The following AUTS2 variants were observed in gnomAD, a reference collection of about 807,000 sequenced individuals.
AUTS2 encodes activator of transcription and developmental regulator AUTS2.
Under a neutral mutation model 112.4 loss-of-function variants are expected in AUTS2, and 17 were observed. That is an observed-to-expected ratio of 0.15 (90% CI 0.10 to 0.23). The LOEUF (loss-of-function observed/expected upper bound fraction) is 0.23. Among genes scored for constraint, AUTS2 ranks in the 10% least tolerant of loss-of-function variants. AUTS2 has a pLI of 1.00. For missense variants in AUTS2, 1,510 were observed against 1,701.6 expected (o/e 0.89, Z 1.98); for synonymous variants, 751 against 702.7 (o/e 1.07, Z -1.09).
chr7:69,924,906 A>G (rs1044529454), intron 2 of AUTS2, among the ~76,000 whole-genome samples: 2 of 152,204 alleles, frequency 1.3e-5, no homozygotes, highest in Non-Finnish European at 2.9e-5. Context: ...ATCTGGGCCT[A>G]GAGTTTTCTT....
intron 4 of AUTS2, among the ~76,000 whole-genome samples, chr7:70,306,572 T>A (rs956510840): frequency 6.6e-6 from 1 of 152,210 alleles, no homozygotes; most frequent in East Asian, 1.9e-4. Context: ...ATTAAAGTTA[T>A]CAGAATAGAG....
At chr7:70,339,140 G>A (rs1165844141) in intron 4 of AUTS2, among the ~76,000 whole-genome samples, 1 of 152,104 alleles carries the variant, frequency 6.6e-6, no homozygotes, top group East Asian at 1.9e-4. Context: ...TGGGATTACA[G>A]GGGTGAGCCA....
chr7:70,161,952 G>T (rs1480732117), intron 4 of AUTS2, among the ~76,000 whole-genome samples: 2 of 152,078 alleles, frequency 1.3e-5, no homozygotes, highest in Non-Finnish European at 2.9e-5. Context: ...AATAGTTACT[G>T]GCATACTCCT....
chr7:70,581,635 C>T (rs1163560203), intron 5 of AUTS2, among the ~76,000 whole-genome samples: 2 of 152,184 alleles, frequency 1.3e-5, no homozygotes, highest in South Asian at 2.1e-4. Context: ...TTGTTACCCA[C>T]CACAGTACTC....
intron 4 of AUTS2, among the ~76,000 whole-genome samples, chr7:70,231,328 T>C (rs907604562): frequency 6.6e-6 from 1 of 152,360 alleles, no homozygotes; most frequent in East Asian, 1.9e-4. Flanking sequence ...ATACAGGACA[T>C]GTCCAGCACC....
At chr7:70,346,539 A>G (rs1791503461) in intron 4 of AUTS2, among the ~76,000 whole-genome samples, 1 of 152,116 alleles carries the variant, frequency 6.6e-6, no homozygotes, top group Admixed American at 6.5e-5. Context: ...CCTTCAGTGT[A>G]AATTTCTCTT....
intron 1 of AUTS2, among the ~76,000 whole-genome samples, chr7:69,755,181 G>C (rs562062794): frequency 1.1e-4 from 17 of 152,244 alleles, no homozygotes; most frequent in Admixed American, 5.9e-4. Flanking sequence ...TGGCCTTATC[G>C]AGAACAAGAA....
intron 5 of AUTS2, among the ~76,000 whole-genome samples, chr7:70,475,047 T>C (rs1192748116): frequency 6.6e-6 from 1 of 152,202 alleles, no homozygotes; most frequent in Non-Finnish European, 1.5e-5. Flanking sequence ...CTAAGACATG[T>C]AAGTGGCAGG....
chr7:69,643,409 C>G (rs1429730043), intron 1 of AUTS2: 1 of 153,338 alleles, frequency 6.5e-6, no homozygotes, highest in Non-Finnish European at 1.5e-5. Flanking sequence ...GTCAGCCACA[C>G]CATATTTCAG....
At chr7:70,173,683 T>C (rs1275069250) in intron 4 of AUTS2, among the ~76,000 whole-genome samples, 3 of 152,240 alleles carry the variant, frequency 2.0e-5, no homozygotes, top group Non-Finnish European at 2.9e-5. Context: ...CAGCATATGC[T>C]CACTTCATGT....
chr7:69,683,058 G>A (rs1232787162), intron 1 of AUTS2, among the ~76,000 whole-genome samples: 2 of 152,270 alleles, frequency 1.3e-5, no homozygotes, highest in East Asian at 3.8e-4. Context: ...AGAGGGCTCA[G>A]AACGGAAAAC....
chr7:70,052,685 T>A (rs1584642347), intron 2 of AUTS2, among the ~76,000 whole-genome samples: 1 of 152,182 alleles, frequency 6.6e-6, no homozygotes, highest in Non-Finnish European at 1.5e-5. Context: ...AGTGGATAGG[T>A]AGATTCTGAG....
intron 1 of AUTS2, among the ~76,000 whole-genome samples, chr7:69,714,485 C>T (rs1455262128): frequency 6.6e-6 from 1 of 152,000 alleles, no homozygotes; most frequent in Non-Finnish European, 1.5e-5. Context: ...ATTGAATTGC[C>T]TTTCTGCCTT....
intron 5 of AUTS2, among the ~76,000 whole-genome samples, chr7:70,466,697 A>C (rs1446765413): frequency 2.6e-5 from 4 of 152,354 alleles, no homozygotes; most frequent in Non-Finnish European, 4.4e-5. Flanking sequence ...AAAATGTATC[A>C]ATTTTAAACA....
At chr7:69,639,893 T>A (rs1794725668) in intron 1 of AUTS2, among the ~76,000 whole-genome samples, 1 of 152,250 alleles carries the variant, frequency 6.6e-6, no homozygotes, top group Non-Finnish European at 1.5e-5. Context: ...GTTACATCCC[T>A]TGGCAGCAGC....
chr7:70,004,434 TATATAA>T (rs1488219014), intron 2 of AUTS2, among the ~76,000 whole-genome samples: 3 of 19,318 alleles, frequency 1.6e-4, no homozygotes, highest in African/African-American at 1.0e-3. Flanking sequence ...TATATATATA[TATATAA>T]AATGCCATAA....
intron 4 of AUTS2, among the ~76,000 whole-genome samples, chr7:70,284,409 A>T (rs1788364209): frequency 6.6e-6 from 1 of 152,152 alleles, no homozygotes; most frequent in Non-Finnish European, 1.5e-5. Context: ...GCTGGATCAA[A>T]GGCTCTGTCT....
At chr7:70,403,404 G>T (rs1028785055) in intron 4 of AUTS2, among the ~76,000 whole-genome samples, 2 of 152,218 alleles carry the variant, frequency 1.3e-5, no homozygotes, top group Non-Finnish European at 2.9e-5. Context: ...TCTCAGTACA[G>T]GTTGCTAATT....
At chr7:70,779,723 G>A (rs1790941943) in intron 14 of AUTS2, among the ~76,000 whole-genome samples, 1 of 152,154 alleles carries the variant, frequency 6.6e-6, no homozygotes, top group Non-Finnish European at 1.5e-5. Flanking sequence ...GAGAGCATCA[G>A]ATGAGTCCGG....
Sources: allele counts gnomAD v4.1 joint callset (sites outside exome capture counted in the v4.1 genomes callset), GRCh38; gene constraint gnomAD v4.1.1; transcripts MANE v1.5; gene names NCBI Gene and HGNC (gene_info 2026-07-23, HGNC 2026-07-21).